CACNB4: variants seen among roughly 807,000 people sequenced by gnomAD.
The protein encoded by CACNB4 is calcium voltage-gated channel auxiliary subunit beta 4, also known as voltage-dependent L-type calcium channel subunit beta-4.
CACNB4 carries 32 observed loss-of-function variants against 71.2 expected under a neutral mutation model. The ratio of observed to expected loss-of-function variants is 0.45; its 90% CI spans 0.34 to 0.60. The LOEUF is 0.60. Among genes scored for constraint, CACNB4 ranks in the 20% least tolerant of loss-of-function variants. The probability of loss-of-function intolerance (pLI) is 0.01; values close to 1 mark genes in which losing one functional copy is unlikely to be tolerated. For synonymous variants in CACNB4, 231 were observed against 236.9 expected, an observed-to-expected ratio of 0.97 and a Z score of 0.23; for missense variants, 464 against 647.9, an observed-to-expected ratio of 0.72 and a Z score of 3.08.
chr2:152,012,142 C>T (rs1683089249), intron 2 of CACNB4, among the ~76,000 whole-genome samples: 1 of 151,014 alleles, frequency 6.6e-6, no homozygotes, highest in Non-Finnish European at 1.5e-5. Flanking sequence ...TCAGGCAGGT[C>T]CTTCTGGAGG....
At chr2:151,871,610 A>T (rs1194376882) in intron 6 of CACNB4, 1 of 152,430 alleles carries the variant, frequency 6.6e-6, no homozygotes, top group Non-Finnish European at 1.5e-5. Flanking sequence ...TGTCCTGTAG[A>T]TAAGAGGGCT....
chr2:152,003,669 G>C (rs41329045), intron 2 of CACNB4, among the ~76,000 whole-genome samples: 1 of 152,046 alleles, frequency 6.6e-6, no homozygotes, highest in East Asian at 1.9e-4. Context: ...ACCTCTCTTC[G>C]TTTTCCAGCC....
intron 2 of CACNB4, among the ~76,000 whole-genome samples, chr2:152,074,791 C>T (rs1252276710): frequency 6.6e-6 from 1 of 152,074 alleles, no homozygotes; most frequent in Non-Finnish European, 1.5e-5. Context: ...TTACCAAGCA[C>T]CATCACCATC....
At chr2:151,993,660 G>C (rs998502100) in intron 2 of CACNB4, among the ~76,000 whole-genome samples, 5 of 151,092 alleles carry the variant, frequency 3.3e-5, no homozygotes, top group African/African-American at 1.2e-4. Context: ...TGCCTCCCAG[G>C]TTCAAGCGAT....
chr2:151,896,374 T>C (rs2099852069), intron 2 of CACNB4, among the ~76,000 whole-genome samples: 1 of 152,186 alleles, frequency 6.6e-6, no homozygotes, highest in Non-Finnish European at 1.5e-5. Context: ...GGTGGGCCCC[T>C]TGTGCACATG....
chr2:151,971,411 A>C, intron 2 of CACNB4: 1 of 658,730 alleles, frequency 1.5e-6, no homozygotes, highest in Non-Finnish European at 2.8e-6. Flanking sequence ...CCCCCAACCG[A>C]AGTGCCGTAC....
intron 2 of CACNB4, among the ~76,000 whole-genome samples, chr2:152,019,515 G>A (rs1683539701): frequency 6.6e-6 from 1 of 152,104 alleles, no homozygotes; most frequent in African/African-American, 2.4e-5. Flanking sequence ...GGATGGGTGG[G>A]TGGGCAGATG....
chr2:151,903,535 C>A (rs1200748644), intron 2 of CACNB4, among the ~76,000 whole-genome samples: 1 of 152,066 alleles, frequency 6.6e-6, no homozygotes, highest in Admixed American at 6.6e-5. Flanking sequence ...AATTCATTTA[C>A]TTTGAAAAGA....
At chr2:151,839,518 T>A (rs1025278316) in intron 13 of CACNB4, 139 bp from the exon 14 acceptor site, 7 of 673,286 alleles carry the variant, frequency 1.0e-5, no homozygotes, top group Non-Finnish European at 1.5e-5. Context: ...GCACCAATGA[T>A]CTGCTTAGAA....
At chr2:152,066,807 T>A (rs1686357068) in intron 2 of CACNB4, among the ~76,000 whole-genome samples, 1 of 130,886 alleles carries the variant, frequency 7.6e-6, no homozygotes, top group South Asian at 2.8e-4. Context: ...CGGAATACTA[T>A]GCAGCCATAA....
chr2:152,003,466 A>ACAGCTGTTCTCATAACTTACACAGCCC (rs1682541372), intron 2 of CACNB4, among the ~76,000 whole-genome samples: 1 of 151,802 alleles, frequency 6.6e-6, no homozygotes, highest in African/African-American at 2.4e-5. Flanking sequence ...AAAAATCTCT[A>ACAGCTGTTCTCATAACTTACACAGCCC]CAGCTGTTCT....
At chr2:151,884,919 T>A (rs2099848964) in intron 2 of CACNB4, among the ~76,000 whole-genome samples, 1 of 152,228 alleles carries the variant, frequency 6.6e-6, no homozygotes, top group Non-Finnish European at 1.5e-5. Context: ...CCTATCCATA[T>A]AGCTGAGAAT....
At chr2:152,031,030 C>T (rs1031509581) in intron 2 of CACNB4, among the ~76,000 whole-genome samples, 10 of 152,138 alleles carry the variant, frequency 6.6e-5, no homozygotes, top group African/African-American at 1.7e-4. Flanking sequence ...AGAAAGGGTA[C>T]TTGGGGTAGA....
intron 5 of CACNB4, among the ~76,000 whole-genome samples, chr2:151,875,704 C>G (rs867075262): frequency 1.1e-4 from 7 of 65,408 alleles, no homozygotes; most frequent in African/African-American, 2.0e-4. Context: ...GGACGGGCGG[C>G]TGGCCGGGCA....
At chr2:151,883,753 G>T in intron 2 of CACNB4, 1 of 293,092 alleles carries the variant, frequency 3.4e-6, no homozygotes. Flanking sequence ...TATTACAAAA[G>T]ATAAATCCTA....
intron 2 of CACNB4, among the ~76,000 whole-genome samples, chr2:152,097,076 G>A (rs1316062135): frequency 1.3e-5 from 2 of 152,176 alleles, no homozygotes; most frequent in Non-Finnish European, 2.9e-5. Flanking sequence ...CTTTTAGAAT[G>A]AATTCGGAAT....
chr2:151,994,366 C>T (rs1681918543), intron 2 of CACNB4, among the ~76,000 whole-genome samples: 1 of 151,602 alleles, frequency 6.6e-6, no homozygotes, highest in Non-Finnish European at 1.5e-5. Context: ...TGCCACCACA[C>T]CCAGCTCATT....
At chr2:151,880,543 C>T in intron 4 of CACNB4, 1 of 469,788 alleles carries the variant, frequency 2.1e-6, no homozygotes, top group South Asian at 2.6e-5. Context: ...CCCAGAGGAC[C>T]ATAGAGGTCT....
intron 2 of CACNB4, among the ~76,000 whole-genome samples, chr2:152,062,241 AG>A (rs1686060604): frequency 6.6e-6 from 1 of 152,090 alleles, no homozygotes; most frequent in Non-Finnish European, 1.5e-5. Context: ...TACAACAGAT[AG>A]AAAAAAAAAC....
Sources: allele counts gnomAD v4.1 joint callset (sites outside exome capture counted in the v4.1 genomes callset), GRCh38; gene constraint gnomAD v4.1.1; transcripts MANE v1.5; gene names NCBI Gene and HGNC (gene_info 2026-07-23, HGNC 2026-07-21).